ADAMTS16: variants seen among roughly 807,000 people sequenced by gnomAD.
ADAMTS16 encodes ADAM metallopeptidase with thrombospondin type 1 motif 16.
ADAMTS16 carries 94 observed loss-of-function variants against 145.8 expected under a neutral mutation model. The observed-to-expected ratio is 0.64, with a 90% CI of 0.55 to 0.77. The LOEUF (loss-of-function observed/expected upper bound fraction) is 0.77. Among genes scored for constraint, ADAMTS16 ranks in the 30% least tolerant of loss-of-function variants. ADAMTS16 has a pLI of 0.00. For synonymous variants in ADAMTS16, 659 were observed against 604.3 expected (o/e 1.09, Z -1.33); for missense variants, 1,585 against 1,591.5 (o/e 1.00, Z 0.07).
rs141850008 is a variant in ADAMTS16, at chr5:5,287,145, T to C, written c.2790-16123T>C. On this transcript the variant is annotated intron_variant, in intron 18 of 22. Coordinates refer to ENST00000274181, the MANE Select transcript of ADAMTS16 (RefSeq NM_139056.4). ...AAGTGCCACAGTGTGAAGTCCTTCC[T>C]GCAGAGAATGGAATTGTTCCAGACT... Among the ~76,000 whole-genome samples the C allele has an allele frequency of 4.0e-3, 607 of 152,270 alleles. 7 individuals carry two copies. Among genetic ancestry groups the C allele is most frequent in the African/African-American group, 0.014 (580 of 41,546 alleles).
chr5:5,207,162 T>C (rs1360643219), intron 9 of ADAMTS16, among the ~76,000 whole-genome samples: 1 of 152,256 alleles, frequency 6.6e-6, no homozygotes, highest in East Asian at 1.9e-4. Context: ...CTGACAAGAT[T>C]GAGTCTTCTG....
chr5:5,146,330 C>A lies in ADAMTS16; in HGVS notation c.376C>A (p.Gln126Lys). 6.2e-7 allele frequency: 1 copy of A among 1,614,168 alleles called. No homozygotes were observed. The highest frequency in any genetic ancestry group is 8.5e-7 in the Non-Finnish European group (1 of 1,180,034). The change falls in exon 3 of 23, where the codon CAG (glutamine) becomes AAG (lysine). Residue 126 changes from glutamine (Q) to lysine (K), a missense_variant. Around this residue, in one of 3 missense-constraint regions of ADAMTS16, gnomAD observed 453 missense variants for 412.1 expected, o/e 1.10. Coordinates refer to ENST00000274181, the MANE Select transcript of ADAMTS16 (RefSeq NM_139056.4). ...SSLVAPGFIVQTLGKTGTKSV... is the reference protein window; with the variant it reads ...SSLVAPGFIVKTLGKTGTKSV... ...CCTAGTGGCTCCTGGCTTTATTGTG[C>A]AGACGTTGGGAAAGACAGGCACTAA... is the stretch of plus-strand genomic sequence containing the variant.
intron 12 of ADAMTS16, among the ~76,000 whole-genome samples, 172 bp downstream of exon 12, chr5:5,232,688 C>G (rs1451930499): frequency 6.6e-6 from 1 of 150,756 alleles, no homozygotes; most frequent in South Asian, 2.1e-4. Context: ...ACTGCAACCT[C>G]CGCCTCCCGG....
intron 8 of ADAMTS16, among the ~76,000 whole-genome samples, chr5:5,195,821 C>G (rs1271064900): frequency 6.6e-6 from 1 of 152,114 alleles, no homozygotes; most frequent in Non-Finnish European, 1.5e-5. Context: ...GATCTATGCC[C>G]TTCCAAAGTT....
At chr5:5,194,504 G>A (rs575766534) in intron 8 of ADAMTS16, among the ~76,000 whole-genome samples, 6 of 152,280 alleles carry the variant, frequency 3.9e-5, no homozygotes, top group Admixed American at 2.6e-4. Context: ...AAATGTGTAT[G>A]AATGGAGTCG....
In ADAMTS16 at chr5:5,261,665, T is replaced by C. The variant is rs370367992; in HGVS notation, c.2663-992T>C. On this transcript the variant is annotated intron_variant, in intron 17 of 22. Transcript: ENST00000274181. ...CACGCCCAGCTAATTTTTGTATTTTTAGTAGAGACGGAGTTTCACCATGTT... is the reference window on the plus strand; with the variant it reads ...CACGCCCAGCTAATTTTTGTATTTTCAGTAGAGACGGAGTTTCACCATGTT... Among the ~76,000 whole-genome samples, 24 of 152,248 alleles carry C rather than the reference T, an allele frequency of 1.6e-4. No homozygotes were observed. In the East Asian group the frequency reaches 4.3e-3, roughly 27 times the overall value.
At chr5:5,249,485 T>C (rs1337350172) in intron 17 of ADAMTS16, among the ~76,000 whole-genome samples, 1 of 152,010 alleles carries the variant, frequency 6.6e-6, no homozygotes, top group Non-Finnish European at 1.5e-5. Context: ...CCCTGCTCAA[T>C]CCCTTATGAG....
At chr5:5,229,294 G>A (rs1736858451) in intron 11 of ADAMTS16, among the ~76,000 whole-genome samples, 1 of 105,592 alleles carries the variant, frequency 9.5e-6, no homozygotes, top group South Asian at 3.1e-4. Context: ...GACAGAGCGA[G>A]ACTCCGTCTC....
intron 18 of ADAMTS16, among the ~76,000 whole-genome samples, chr5:5,290,286 G>A (rs185648717): frequency 3.3e-5 from 5 of 152,248 alleles, no homozygotes; most frequent in East Asian, 1.9e-4. Flanking sequence ...ATGTCTAAAC[G>A]AAGTCAGTGG....
At chr5:5,165,563 G>C (rs1279682486) in intron 3 of ADAMTS16, among the ~76,000 whole-genome samples, 1 of 152,200 alleles carries the variant, frequency 6.6e-6, no homozygotes, top group Non-Finnish European at 1.5e-5. Flanking sequence ...TTTCCTGGAA[G>C]CTGAACCCTA....
chr5:5,148,546 C>T (rs886240948), intron 3 of ADAMTS16, among the ~76,000 whole-genome samples: 7 of 152,132 alleles, frequency 4.6e-5, no homozygotes, highest in Admixed American at 3.3e-4. Context: ...CAAACTGGTA[C>T]ATAGTTTTTC....
intron 3 of ADAMTS16, among the ~76,000 whole-genome samples, chr5:5,181,665 C>A (rs1735342490): frequency 6.6e-6 from 1 of 152,168 alleles, no homozygotes; most frequent in Admixed American, 6.5e-5. Flanking sequence ...TTATCTGAGA[C>A]CCCTCACCAA....
intron 20 of ADAMTS16, 110 bp downstream of exon 20, chr5:5,303,876 C>T (rs1739908212): frequency 7.9e-7 from 1 of 1,272,388 alleles, no homozygotes; most frequent in Non-Finnish European, 1.1e-6. Context: ...CCTTATATCT[C>T]TTCTTGGCTT....
intron 17 of ADAMTS16, among the ~76,000 whole-genome samples, chr5:5,252,475 A>G (rs1329395104): frequency 6.6e-6 from 1 of 152,166 alleles, no homozygotes; most frequent in East Asian, 1.9e-4. Flanking sequence ...AGGTGAGTGT[A>G]GACGCCTTAG....
intron 17 of ADAMTS16, among the ~76,000 whole-genome samples, chr5:5,248,007 T>C (rs1388096371): frequency 1.3e-5 from 2 of 152,230 alleles, no homozygotes; most frequent in African/African-American, 4.8e-5. Flanking sequence ...GAGTTCAAGG[T>C]CCTGTAATGC....
chr5:5,272,150 G>T (rs1322484245), intron 18 of ADAMTS16, among the ~76,000 whole-genome samples: 2 of 152,110 alleles, frequency 1.3e-5, no homozygotes, highest in Non-Finnish European at 2.9e-5. Flanking sequence ...TGGTTGCTTA[G>T]GTGGTGTTTG....
Position 5,146,147 on chromosome 5 carries a change from G to C in ADAMTS16, c.193G>C (p.Ala65Pro). 1 of 1,613,740 alleles carries C rather than the reference G, an allele frequency of 6.2e-7. No individual in the cohort carries two copies. Among genetic ancestry groups the C allele is most frequent in the African/African-American group, 1.3e-5 (1 of 75,018 alleles). The change falls in exon 3 of 23, where the codon GCC becomes CCC. Residue 65 changes from alanine (A) to proline (P), a missense_variant. Transcript: ENST00000274181. The stretch of plus-strand genomic sequence containing the variant: ...GATTTCAGAATATGACCTGGTCTCT[G>C]CCTACGAGGTTGACCACAGGGGCGA... Reference protein sequence around the residue: ...MEKGEYDLVSAYEVDHRGDYV... With the variant: ...MEKGEYDLVSPYEVDHRGDYV...
intron 16 of ADAMTS16, among the ~76,000 whole-genome samples, chr5:5,240,958 T>C (rs1249796184): frequency 6.6e-6 from 1 of 152,116 alleles, no homozygotes; most frequent in Non-Finnish European, 1.5e-5. Context: ...TGAAAATAAG[T>C]GGGGCTTGTT....
At chr5:5,201,803 T>C (rs1230949854) in intron 9 of ADAMTS16, among the ~76,000 whole-genome samples, 1 of 152,184 alleles carries the variant, frequency 6.6e-6, no homozygotes, top group Non-Finnish European at 1.5e-5. Context: ...TATTCCAAAC[T>C]GAGAACTAAG....
Sources: gnomAD v4.1 joint callset for allele counts (sites outside exome capture counted in the v4.1 genomes callset) on GRCh38, gnomAD v4.1.1 for gene constraint, gnomAD v4.1.1 regional missense constraint, MANE v1.5 for transcripts, NCBI Gene and HGNC (gene_info 2026-07-23, HGNC 2026-07-21) for gene names.